The following THG1L variants were observed in gnomAD, a reference collection of about 807,000 sequenced individuals.
THG1L encodes probable tRNA(His) guanylyltransferase.
A neutral mutation model predicts 35.2 loss-of-function variants in THG1L; 27 were observed. The observed-to-expected ratio is 0.77, with a 90% CI of 0.57 to 1.06. The LOEUF (loss-of-function observed/expected upper bound fraction) is 1.06, where lower values mean the gene tolerates loss of function less well. Ranked by LOEUF, THG1L falls within the 50% of genes least tolerant of loss-of-function variation. The pLI, the probability that THG1L is intolerant of heterozygous loss-of-function variation, is 0.00. For synonymous variants in THG1L, 135 were observed against 132.4 expected (o/e 1.02, Z -0.14); for missense variants, 377 against 371.8 (o/e 1.01, Z -0.12).
intron 4 of THG1L, 98 bp from the exon 5 acceptor site, chr5:157,737,789 C>A: frequency 2.3e-6 from 2 of 879,098 alleles, no homozygotes; most frequent in Non-Finnish European, 3.5e-6. Flanking sequence ...CCTTCCACTT[C>A]TTGATTGTGG....
chr5:157,731,827 TTGAA>T (rs1483549655), intron 1 of THG1L, among the ~76,000 whole-genome samples, 196 bp downstream of exon 1: 1 of 152,204 alleles, frequency 6.6e-6, no homozygotes, highest in African/African-American at 2.4e-5. Context: ...GTTAGCGTAA[TTGAA>T]TGGGCGATGT....
In THG1L at chr5:157,740,059, G is replaced by A. The variant is rs1447105207; in HGVS notation, c.*577G>A. 6.6e-6 allele frequency: 1 copy of A among 152,266 alleles called. No individual in the cohort carries two copies. The highest frequency in any genetic ancestry group is 2.4e-5 in the African/African-American group (1 of 41,476). The allele number at this position is 152,266 out of a possible 1,614,324, so 9.4% of individuals were successfully genotyped here. ...TTGGCAACTTTGGCTGAACAAATGA[G>A]TAGTGGCTTCAGTGTCCTTGCGTAC... On this transcript the variant is annotated 3_prime_UTR_variant, in exon 6 of 6. Coordinates refer to ENST00000231198, the MANE Select transcript of THG1L (RefSeq NM_017872.5).
rs115847385 is a variant in THG1L at position 157,734,497 on chromosome 5, C to T, written c.369-79C>T. 1.8e-3 allele frequency: 2,793 copies of T among 1,543,480 alleles called. 55 individuals carry two copies. The African/African-American group carries it at 0.035, about 19-fold the overall frequency. ...GTTTGTGTACTCTCTGTGGTACCCACAGGTCTTATCATGGTGTTGAACTAA... is the reference window on the plus strand; with the variant it reads ...GTTTGTGTACTCTCTGTGGTACCCATAGGTCTTATCATGGTGTTGAACTAA... On this transcript the variant is annotated intron_variant, in intron 2 of 5. Transcript: ENST00000231198.
intron 2 of THG1L, among the ~76,000 whole-genome samples, chr5:157,733,935 C>T (rs988963195): frequency 9.9e-5 from 15 of 151,976 alleles, no homozygotes; most frequent in Admixed American, 2.0e-4. Flanking sequence ...TTGTGCCAAT[C>T]CACCCCAGCC....
intron 4 of THG1L, among the ~76,000 whole-genome samples, chr5:157,736,691 T>C (rs1450705724): frequency 6.6e-6 from 1 of 152,254 alleles, no homozygotes; most frequent in Non-Finnish European, 1.5e-5. Context: ...CTTTCATAAA[T>C]GTCATAATAA....
Position 157,739,321 on chromosome 5 carries a change from G to A in THG1L, c.736G>A (p.Val246Met), listed in dbSNP as rs369592536. The A allele has an allele frequency of 3.1e-6, 5 of 1,612,544 alleles. No homozygotes were observed. Among genetic ancestry groups the A allele is most frequent in the Non-Finnish European group, 4.2e-6 (5 of 1,179,308 alleles). Residue 246 changes from valine (V) to methionine (M), a missense_variant and splice_region_variant, in exon 6 of 6, where the codon GTG becomes ATG. By Grantham distance (21) the Val-to-Met change is conservative (BLOSUM62 1). Coordinates refer to ENST00000231198, the MANE Select transcript of THG1L (RefSeq NM_017872.5). ...GTCACTACTTTATTTTTACCTGTAG[G>A]TGGATGAAGTGATGACAAAAGAAAT... ...RKGTVLIWQK[V>M]DEVMTKEIKL...
rs34744387 is a variant in THG1L at position 157,732,215 on chromosome 5, C to CAAAAAAAAAA, written c.191+604_191+613dup. The stretch of plus-strand genomic sequence containing the variant: ...TGTTGTTTGTGAAACTCCGCCACTA[C>CAAAAAAAAAA]AAAAAAAAAAAAAAAAAAAAAAAAA... On this transcript the variant is annotated intron_variant, in intron 1 of 5. Coordinates refer to ENST00000231198, the MANE Select transcript of THG1L (RefSeq NM_017872.5). 1.6e-3 allele frequency among the ~76,000 whole-genome samples: 88 copies of CAAAAAAAAAA among 53,878 alleles called. 7 individuals carry two copies. Among genetic ancestry groups the CAAAAAAAAAA allele is most frequent in the Non-Finnish European group, 2.1e-3 (69 of 32,584 alleles). The allele number at this position is 53,878 out of a possible 152,430, so 35.3% of individuals were successfully genotyped here.
Position 157,732,914 on chromosome 5 carries a change from C to G in THG1L, c.238C>G (p.Leu80Val). Residue 80 changes from leucine (L) to valine (V), a missense_variant, in exon 2 of 6, where the codon CTC becomes GTC. By Grantham distance (32) the Leu-to-Val change is conservative. Coordinates refer to ENST00000231198, the MANE Select transcript of THG1L (RefSeq NM_017872.5). The part of the protein sequence containing the change: ...NFAKPNDSRA[L>V]QLMTKCAQTV... Reference sequence around the variant, plus strand: ...TGCAAAACCCAATGACAGCCGTGCTCTCCAGCTGATGACCAAATGTGCGCA... The same window carrying G: ...TGCAAAACCCAATGACAGCCGTGCTGTCCAGCTGATGACCAAATGTGCGCA... 1 of 1,614,226 alleles carries G rather than the reference C, an allele frequency of 6.2e-7. No individual in the cohort carries two copies. The highest frequency in any genetic ancestry group is 1.6e-4 in the Middle Eastern group (1 of 6,062).
chr5:157,732,566 A>G (rs1250620786), intron 1 of THG1L, among the ~76,000 whole-genome samples: 1 of 152,224 alleles, frequency 6.6e-6, no homozygotes, highest in Non-Finnish European at 1.5e-5. Flanking sequence ...ACTAGGAGCT[A>G]GGTATGATTA....
In THG1L at chr5:157,731,649, G is replaced by T. The variant is rs776026621; in HGVS notation, c.191+18G>T. 6.3e-7 allele frequency: 1 copy of T among 1,578,678 alleles called. No homozygotes were observed. Among genetic ancestry groups the T allele is most frequent in the East Asian group, 2.3e-5 (1 of 43,550 alleles). ...TTCCATCGGTGAGCGAGCTCGACTC[G>T]GGGCGTCGCGATGCGCCAGCGCTTC... On this transcript the variant is annotated intron_variant, in intron 1 of 5. Coordinates refer to ENST00000231198, the MANE Select transcript of THG1L (RefSeq NM_017872.5).
At chr5:157,736,174 C>T (rs910011877) in intron 4 of THG1L, among the ~76,000 whole-genome samples, 4 of 152,008 alleles carry the variant, frequency 2.6e-5, no homozygotes, top group African/African-American at 9.7e-5. Context: ...ATTGACGGCA[C>T]TGGCTCTGCA....
chr5:157,734,416 G>T (rs1396891877), intron 2 of THG1L, among the ~76,000 whole-genome samples, 160 bp from the exon 3 acceptor site: 3 of 151,900 alleles, frequency 2.0e-5, no homozygotes, highest in African/African-American at 7.3e-5. Context: ...ACAGAACCAA[G>T]GTATTAAAAT....
At chr5:157,735,767 G>A (rs1760854886) in intron 3 of THG1L, 79 bp from the exon 4 acceptor site, 1 of 971,910 alleles carries the variant, frequency 1.0e-6, no homozygotes, top group East Asian at 2.8e-5. Context: ...AGAGGGTCAG[G>A]GCTCTAGTAT....
intron 5 of THG1L, 101 bp from the exon 6 acceptor site, chr5:157,739,220 G>A: frequency 2.7e-6 from 3 of 1,117,094 alleles, no homozygotes; most frequent in Non-Finnish European, 3.9e-6. Flanking sequence ...CTGGCAGTCG[G>A]AAGTATATGA....
chr5:157,739,275 A>C (rs1760969067), intron 5 of THG1L, 46 bp from the exon 6 acceptor site: 1 of 1,588,914 alleles, frequency 6.3e-7, no homozygotes, highest in African/African-American at 1.3e-5. Context: ...TCTCTCCCAA[A>C]CCCACTCCTG....
intron 1 of THG1L, among the ~76,000 whole-genome samples, chr5:157,732,542 T>G (rs1037637010): frequency 2.6e-5 from 4 of 152,180 alleles, no homozygotes; most frequent in African/African-American, 9.7e-5. Flanking sequence ...ATAACTAACA[T>G]TTATTGAGCA....
At chr5:157,732,215 CAAAAAA>C (rs34744387) in intron 1 of THG1L, among the ~76,000 whole-genome samples, 30 of 53,894 alleles carry the variant, frequency 5.6e-4, no homozygotes, top group East Asian at 2.3e-3. Flanking sequence ...TCCGCCACTA[CAAAAAA>C]AAAAAAAAAA....
intron 1 of THG1L, 80 bp downstream of exon 1, chr5:157,731,711 C>T (rs1220563814): frequency 1.3e-5 from 19 of 1,500,360 alleles, no homozygotes; most frequent in African/African-American, 4.2e-5. Flanking sequence ...AGTCCTCCCG[C>T]CCGCTCCAGT....
rs1760986650 is a variant in THG1L, at chr5:157,739,783, A to G, written c.*301A>G. Reference sequence around the variant, plus strand: ...TATTCCATGCCTTGGAGAATGAATCATTTTTAGATTGTGACATAAATCTTG... The same window carrying G: ...TATTCCATGCCTTGGAGAATGAATCGTTTTTAGATTGTGACATAAATCTTG... On this transcript the variant is annotated 3_prime_UTR_variant, in exon 6 of 6. Coordinates refer to ENST00000231198, the MANE Select transcript of THG1L (RefSeq NM_017872.5). 4.5e-6 allele frequency: 1 copy of G among 224,696 alleles called. No individual in the cohort carries two copies. The highest frequency in any genetic ancestry group is 2.3e-5 in the African/African-American group (1 of 44,362). 13.9% of individuals were successfully genotyped at this position (224,696 alleles called of 1,614,324 possible).
Sources: allele counts gnomAD v4.1 joint callset (sites outside exome capture counted in the v4.1 genomes callset), GRCh38; gene constraint gnomAD v4.1.1; transcripts MANE v1.5; gene names NCBI Gene and HGNC (gene_info 2026-07-23, HGNC 2026-07-21).